The following AHCY variants were observed in gnomAD, a reference collection of about 807,000 sequenced individuals.
The protein encoded by AHCY is S-adenosyl-L-homocysteine hydrolase.
A neutral mutation model predicts 45.4 loss-of-function variants in AHCY; 24 were observed. The ratio of observed to expected loss-of-function variants is 0.53; its 90% CI spans 0.38 to 0.74. The LOEUF (loss-of-function observed/expected upper bound fraction) is 0.74, where lower values mean the gene tolerates loss of function less well. Among genes scored for constraint, AHCY ranks in the 30% least tolerant of loss-of-function variants. The pLI is 0.00. For synonymous variants in AHCY, 245 were observed against 235.1 expected, an observed-to-expected ratio of 1.04 and a Z score of -0.39; for missense variants, 449 against 594.1, an observed-to-expected ratio of 0.76 and a Z score of 2.54.
intron 1 of AHCY, among the ~76,000 whole-genome samples, chr20:34,311,170 T>C (rs948452057): frequency 6.6e-6 from 1 of 152,004 alleles, no homozygotes; most frequent in African/African-American, 2.4e-5. Context: ...AAACATATAA[T>C]GAAGGACAAA....
At chr20:34,260,806 C>T in the AHCY span, among the ~76,000 whole-genome samples, 1 of 152,326 alleles carries the variant, frequency 6.6e-6, no homozygotes, top group East Asian at 1.9e-4. Flanking sequence ...TTTAGCATTT[C>T]TGAAACTTAA....
chr20:34,311,078 C>T (rs1187959593), intron 1 of AHCY, among the ~76,000 whole-genome samples: 1 of 152,132 alleles, frequency 6.6e-6, no homozygotes, highest in Non-Finnish European at 1.5e-5. Flanking sequence ...CGAGATTGTG[C>T]CACTGCACTC....
chr20:34,308,537 G>A (rs987618732), intron 1 of AHCY, among the ~76,000 whole-genome samples: 3 of 152,140 alleles, frequency 2.0e-5, no homozygotes, highest in African/African-American at 7.2e-5. Flanking sequence ...GTGACAGAGA[G>A]AGACTCTGTC....
At chr20:34,261,506 C>T in the AHCY span, among the ~76,000 whole-genome samples, 4 of 152,152 alleles carry the variant, frequency 2.6e-5, no homozygotes, top group South Asian at 2.1e-4. Flanking sequence ...TGGTAGCATG[C>T]GCCTGTAGTC....
At chr20:34,269,261 G>A in the AHCY span, 3 of 1,394,288 alleles carry the variant, frequency 2.2e-6, no homozygotes, top group South Asian at 1.5e-5. Flanking sequence ...TCCCAGGGCT[G>A]CAGGCGGGCG....
At chr20:34,251,647 T>A in the AHCY span, among the ~76,000 whole-genome samples, 1 of 152,192 alleles carries the variant, frequency 6.6e-6, no homozygotes, top group Non-Finnish European at 1.5e-5. Context: ...AGGAATTTGC[T>A]ATGTTCTGAA....
chr20:34,293,902 T>C (rs752764899), intron 3 of AHCY, 179 bp downstream of exon 3: 1 of 702,032 alleles, frequency 1.4e-6, no homozygotes, highest in Non-Finnish European at 2.6e-6. Context: ...TTCCACAGGA[T>C]TTTAGATGAT....
chr20:34,245,195 G>A, the AHCY span, among the ~76,000 whole-genome samples: 6 of 151,310 alleles, frequency 4.0e-5, no homozygotes, highest in South Asian at 2.1e-4. Context: ...TTAGCTGGGC[G>A]TGGTGGCAGG....
At chr20:34,271,981 A>G in the AHCY span, among the ~76,000 whole-genome samples, 1 of 151,878 alleles carries the variant, frequency 6.6e-6, no homozygotes, top group Non-Finnish European at 1.5e-5. Flanking sequence ...AGAGAAAAAA[A>G]GGTAGAGGGT....
In AHCY at chr20:34,303,294, C is replaced by T. The variant is rs1390724000; in HGVS notation, c.-24G>A. ...ATGCTGGCGGCACTCGTGATGGAAA[C>T]GGGCGAAGGGGGCTGGGCCTCAGTC... On this transcript the variant is annotated 5_prime_UTR_variant, in exon 1 of 10. Transcript: ENST00000217426. 2 of 1,551,650 alleles carry T rather than the reference C, an allele frequency of 1.3e-6. No individual in the cohort carries two copies. Among genetic ancestry groups the T allele is most frequent in the African/African-American group, 1.4e-5 (1 of 73,076 alleles).
upstream of AHCY, among the ~76,000 whole-genome samples, chr20:34,304,613 G>A (rs1032154159): frequency 1.3e-5 from 2 of 151,240 alleles, no homozygotes; most frequent in Non-Finnish European, 2.9e-5. Flanking sequence ...TCCACCTCCC[G>A]GGTTCAAGCA....
the AHCY span, among the ~76,000 whole-genome samples, chr20:34,263,054 G>A: frequency 6.6e-6 from 1 of 152,140 alleles, no homozygotes; most frequent in African/African-American, 2.4e-5. Flanking sequence ...CTTGAGCTCT[G>A]AGCCAGACAC....
intron 8 of AHCY, among the ~76,000 whole-genome samples, chr20:34,286,901 CCA>C (rs1467448517): frequency 6.6e-6 from 1 of 151,720 alleles, no homozygotes; most frequent in Non-Finnish European, 1.5e-5. Flanking sequence ...TTCCTGTGGC[CCA>C]CAGTGTGGCT....
At chr20:34,235,820 A>AGAAAG in the AHCY span, among the ~76,000 whole-genome samples, 2 of 63,852 alleles carry the variant, frequency 3.1e-5, no homozygotes, top group Non-Finnish European at 5.0e-5. Flanking sequence ...AAAGAAAGAA[A>AGAAAG]GAAAGAAAGA....
At chr20:34,307,572 A>G (rs953372779), upstream of AHCY, among the ~76,000 whole-genome samples, 1 of 152,118 alleles carries the variant, frequency 6.6e-6, no homozygotes, top group Non-Finnish European at 1.5e-5. Flanking sequence ...GGGTTTCTCC[A>G]TGTTGGTCAG....
At chr20:34,269,235 C>T in the AHCY span, 11 of 1,425,884 alleles carry the variant, frequency 7.7e-6, no homozygotes, top group Non-Finnish European at 9.1e-6. Context: ...GGCGGGTGAT[C>T]CCTAACAGGG....
rs1467780141 is a variant in AHCY, at chr20:34,303,277, G to A, written c.-7C>T. ...AGGGCAGTTTGTCAGACATGCTGGC[G>A]GCACTCGTGATGGAAACGGGCGAAG... is the stretch of plus-strand genomic sequence containing the variant. On this transcript the variant is annotated 5_prime_UTR_variant, in exon 1 of 10. Coordinates refer to ENST00000217426, the MANE Select transcript of AHCY (RefSeq NM_000687.4). 1 of 1,551,760 alleles carries A rather than the reference G, an allele frequency of 6.4e-7. No individual in the cohort carries two copies. The highest frequency in any genetic ancestry group is 8.7e-7 in the Non-Finnish European group (1 of 1,147,000).
the AHCY span, among the ~76,000 whole-genome samples, chr20:34,255,571 G>A: frequency 6.6e-6 from 1 of 152,200 alleles, no homozygotes; most frequent in Non-Finnish European, 1.5e-5. Context: ...GATTATAGAT[G>A]TGATTATATA....
At chr20:34,297,632 A>G (rs2036617771) in intron 1 of AHCY, among the ~76,000 whole-genome samples, 1 of 152,208 alleles carries the variant, frequency 6.6e-6, no homozygotes, top group South Asian at 2.1e-4. Flanking sequence ...AAAGACACAT[A>G]GCACATTGCA....
Sources: allele counts gnomAD v4.1 joint callset (sites outside exome capture counted in the v4.1 genomes callset), GRCh38; gene constraint gnomAD v4.1.1; transcripts MANE v1.5; gene names NCBI Gene and HGNC (gene_info 2026-07-23, HGNC 2026-07-21).